SANBR: variants seen among roughly 807,000 people sequenced by gnomAD.
The protein encoded by SANBR is SANT and BTB domain regulator of class switch recombination.
A neutral mutation model predicts 101.8 loss-of-function variants in SANBR; 77 were observed. The observed-to-expected ratio is 0.76, with a 90% confidence interval of 0.63 to 0.91. SANBR has a LOEUF of 0.91. SANBR is among the 40% of genes least tolerant of loss of function. The pLI is 0.00. For missense variants in SANBR, 875 were observed against 853.0 expected (o/e 1.03, Z -0.32); for synonymous variants, 279 against 274.7 (o/e 1.02, Z -0.15).
intron 14 of SANBR, 125 bp from the exon 15 acceptor site, chr2:61,108,192 T>C (rs1334450631): frequency 1.8e-5 from 9 of 497,350 alleles, no homozygotes; most frequent in East Asian, 6.7e-5. Flanking sequence ...TTTTAAATTA[T>C]GTTTCAGCCT....
At chr2:61,133,937 G>A (rs1684765173) in intron 20 of SANBR, among the ~76,000 whole-genome samples, 1 of 152,184 alleles carries the variant, frequency 6.6e-6, no homozygotes, top group Non-Finnish European at 1.5e-5. Flanking sequence ...CGAATTGTAT[G>A]ATATGTGGAT....
chr2:61,112,021 A>G (rs534185752), intron 16 of SANBR, among the ~76,000 whole-genome samples: 1 of 152,326 alleles, frequency 6.6e-6, no homozygotes, highest in South Asian at 2.1e-4. Context: ...TTTGCATACA[A>G]GTCTGTGTGG....
intron 11 of SANBR, among the ~76,000 whole-genome samples, chr2:61,096,319 A>G (rs892829953): frequency 6.6e-6 from 1 of 152,160 alleles, no homozygotes; most frequent in African/African-American, 2.4e-5. Context: ...TCCCTAGCCC[A>G]CAAGGCTAAC....
At position 61,083,238 on chromosome 2, in the gene SANBR, CTTCTCACACGTATAGCTGATCTG is replaced by C; in HGVS notation, c.824_846del (p.Arg275GlnfsTer2). The stretch of plus-strand genomic sequence containing the variant: ...CAACATGAACTGTATTAATGCAAAT[CTTCTCACACGTATAGCTGATCTG>C]TTCTCACACAATGAAGTTGATGATT... On this transcript the variant is annotated frameshift_variant, in exon 8 of 22. Coordinates refer to ENST00000402291, the MANE Select transcript of SANBR (RefSeq NM_001129993.3). LOFTEE classifies it high-confidence loss of function. 1 of 1,610,552 alleles carries C rather than the reference CTTCTCACACGTATAGCTGATCTG, an allele frequency of 6.2e-7. No individual in the cohort carries two copies. The highest frequency in any genetic ancestry group is 8.5e-7 in the Non-Finnish European group (1 of 1,176,862).
intron 8 of SANBR, among the ~76,000 whole-genome samples, chr2:61,085,441 C>CT (rs1682372654): frequency 6.6e-6 from 1 of 151,900 alleles, no homozygotes; most frequent in Non-Finnish European, 1.5e-5. Context: ...TATGTGAAGT[C>CT]TGTTTCCGAA....
rs924764735 is a variant in SANBR, at chr2:61,123,587, T to A, written c.*1425T>A. The A allele has an allele frequency of 2.1e-6, 2 of 973,712 alleles. No homozygotes were observed. The highest frequency in any genetic ancestry group is 1.8e-5 in the African/African-American group (1 of 56,898). 60.3% of individuals were successfully genotyped at this position (973,712 alleles called of 1,614,324 possible). ...GTAAGTACTCTGTTAAATACCAGAG[T>A]TTTTTTTGTAGTTTACTGTGTTTTC... On this transcript the variant is annotated 3_prime_UTR_variant, in exon 22 of 22. Transcript: ENST00000402291.
downstream of SANBR, among the ~76,000 whole-genome samples, chr2:61,128,458 C>G (rs1043911431): frequency 6.6e-6 from 1 of 151,892 alleles, no homozygotes; most frequent in Non-Finnish European, 1.5e-5. Context: ...AGTTCAAGAC[C>G]AGCCTGGCCA....
chr2:61,135,618 A>C (rs967763486), intron 21 of SANBR, among the ~76,000 whole-genome samples: 1 of 152,236 alleles, frequency 6.6e-6, no homozygotes, highest in Non-Finnish European at 1.5e-5. Flanking sequence ...GGAGCATAAA[A>C]AAATCAGGAA....
At chr2:61,111,693 T>C (rs1295403230) in intron 16 of SANBR, among the ~76,000 whole-genome samples, 1 of 152,192 alleles carries the variant, frequency 6.6e-6, no homozygotes, top group Non-Finnish European at 1.5e-5. Context: ...AGTTCCTTCG[T>C]CCCCCTTTGT....
At chr2:61,111,306 T>C (rs1683820582) in intron 16 of SANBR, among the ~76,000 whole-genome samples, 1 of 151,996 alleles carries the variant, frequency 6.6e-6, no homozygotes, top group South Asian at 2.1e-4. Flanking sequence ...GGCAGGAAAA[T>C]GGTGTGAACC....
At chr2:61,087,386 A>G (rs1045062555) in intron 8 of SANBR, among the ~76,000 whole-genome samples, 4 of 147,474 alleles carry the variant, frequency 2.7e-5, no homozygotes, top group African/African-American at 5.0e-5. Context: ...GCCAGCCCCA[A>G]TCTCTACAGA....
Position 61,118,121 on chromosome 2 carries a change from G to A in SANBR, c.2028+5G>A. The stretch of plus-strand genomic sequence containing the variant: ...AAGTCAAAGGAAGCAAAAGAAGTAA[G>A]AATTGTGTACTAGTGTATTGTACTT... On this transcript the variant is annotated splice_donor_5th_base_variant and intron_variant, in intron 20 of 21. Transcript: ENST00000402291. The A allele has an allele frequency of 6.2e-7, 1 of 1,601,800 alleles. No individual in the cohort carries two copies. Among genetic ancestry groups the A allele is most frequent in the Non-Finnish European group, 8.5e-7 (1 of 1,169,806 alleles).
At chr2:61,073,393 ATTCTCAGC>A in intron 4 of SANBR, 57 bp from the exon 5 acceptor site, 1 of 725,520 alleles carries the variant, frequency 1.4e-6, no homozygotes, top group Non-Finnish European at 2.3e-6. Flanking sequence ...ATAAAAACCC[ATTCTCAGC>A]TAGAAACACT....
At position 61,104,010 on chromosome 2, in the gene SANBR, A is replaced by G. The variant is rs1447700200; in HGVS notation, c.1511+12A>G. On this transcript the variant is annotated intron_variant, in intron 13 of 21. Transcript: ENST00000402291. ...AAAGATACAGTTAGGTGAGGGGTGG[A>G]AAAACCCAACACTGTATTATAGCTT... 3 of 1,612,720 alleles carry G rather than the reference A, an allele frequency of 1.9e-6. No homozygotes were observed. The South Asian group carries it at 3.3e-5, about 18-fold the overall frequency.
chr2:61,105,361 G>A (rs762374351), intron 13 of SANBR, among the ~76,000 whole-genome samples: 6 of 150,314 alleles, frequency 4.0e-5, no homozygotes, highest in Non-Finnish European at 8.9e-5. Context: ...GGGAGACTCC[G>A]TCTCAAAAAA....
chr2:61,078,328 A>G (rs1681902565), intron 6 of SANBR, among the ~76,000 whole-genome samples: 1 of 152,202 alleles, frequency 6.6e-6, no homozygotes, highest in Admixed American at 6.5e-5. Flanking sequence ...TAGGCTACCC[A>G]CAAATTGAAT....
intron 12 of SANBR, among the ~76,000 whole-genome samples, chr2:61,100,148 C>T (rs973219380): frequency 3.9e-5 from 6 of 152,062 alleles, no homozygotes; most frequent in South Asian, 2.1e-4. Flanking sequence ...GCTGTTGCCC[C>T]GGCTGGAATG....
intron 2 of SANBR, among the ~76,000 whole-genome samples, chr2:61,069,237 T>C (rs1345422702): frequency 6.6e-6 from 1 of 152,202 alleles, no homozygotes; most frequent in Non-Finnish European, 1.5e-5. Flanking sequence ...ACAATCTAAA[T>C]ACTATTATTT....
At position 61,117,163 on chromosome 2, in the gene SANBR, A is replaced by G. The variant is rs564718965; in HGVS notation, c.1837-194A>G. The G allele has an allele frequency of 6.6e-5, 38 of 578,404 alleles. No individual in the cohort carries two copies. The Middle Eastern group carries it at 1.4e-3, about 21-fold the overall frequency. The allele number at this position is 578,404 out of a possible 1,614,324, so 35.8% of individuals were successfully genotyped here. ...TGGAGAAGTTTCTTAACTTCTCTGA[A>G]CCTGTTTTATTATGAAGATATTAAT... On this transcript the variant is annotated intron_variant, in intron 17 of 21. Transcript: ENST00000402291.
Sources: allele counts gnomAD v4.1 joint callset (sites outside exome capture counted in the v4.1 genomes callset), GRCh38; gene constraint gnomAD v4.1.1; transcripts MANE v1.5; gene names NCBI Gene and HGNC (gene_info 2026-07-23, HGNC 2026-07-21).